The following CNKSR3 variants were observed in gnomAD, a reference collection of about 807,000 sequenced individuals.
The protein encoded by CNKSR3 is CNKSR family member 3.
CNKSR3 carries 36 observed loss-of-function variants against 67.7 expected under a neutral mutation model. That is an observed-to-expected ratio of 0.53 (90% CI 0.41 to 0.70). The LOEUF is 0.70. CNKSR3 is among the 30% of genes least tolerant of loss of function. CNKSR3 has a pLI of 0.00. For missense variants in CNKSR3, 630 were observed against 695.2 expected (o/e 0.91, Z 1.05); for synonymous variants, 281 against 271.4 (o/e 1.04, Z -0.35).
rs919452512 is a variant in CNKSR3, at chr6:154,510,221, C to A, written c.-107G>T. The A allele has an allele frequency of 5.6e-5, 74 of 1,332,050 alleles. No homozygotes were observed. The highest frequency in any genetic ancestry group is 7.5e-5 in the Non-Finnish European group (70 of 938,902). The allele number at this position is 1,332,050 out of a possible 1,614,324, so 82.5% of individuals were successfully genotyped here. A position where few individuals can be genotyped will look rare whatever the true frequency, so the allele number is the denominator to read the frequency against. ...GGGCGCGCCCGCGGCTGCTCCCCTG[C>A]GCCCGAGCGACTCCGTCAAGACTGC... On this transcript the variant is annotated 5_prime_UTR_variant, in exon 1 of 13. Coordinates refer to ENST00000607772, the MANE Select transcript of CNKSR3 (RefSeq NM_173515.4).
chr6:154,431,945 C>T (rs1202201272), intron 5 of CNKSR3, among the ~76,000 whole-genome samples: 2 of 152,076 alleles, frequency 1.3e-5, no homozygotes, highest in African/African-American at 4.8e-5. Flanking sequence ...ACTTTTTTGG[C>T]AATTTTGAGT....
chr6:154,423,007 C>T, intron 7 of CNKSR3, 24 bp from the exon 8 acceptor site: 2 of 1,511,444 alleles, frequency 1.3e-6, no homozygotes, highest in Non-Finnish European at 9.1e-7. Flanking sequence ...AAATAACCTG[C>T]CTTAATTCTT....
At chr6:154,441,267 AAAGT>A in intron 4 of CNKSR3, 21 bp downstream of exon 4, 1 of 1,336,880 alleles carries the variant, frequency 7.5e-7, no homozygotes, top group Non-Finnish European at 1.0e-6. Context: ...AAAAAAAAAG[AAAGT>A]GAAAATGACA....
chr6:154,446,836 A>C, intron 2 of CNKSR3, among the ~76,000 whole-genome samples: 1 of 133,088 alleles, frequency 7.5e-6, no homozygotes, highest in African/African-American at 2.9e-5. Context: ...ATGGTGTCTC[A>C]CTCTGTCGCC....
chr6:154,423,933 A>AAT (rs1354724229), intron 7 of CNKSR3, among the ~76,000 whole-genome samples: 1 of 152,082 alleles, frequency 6.6e-6, no homozygotes, highest in African/African-American at 2.4e-5. Context: ...CTGCAACAAC[A>AAT]ATATATATAA....
intron 1 of CNKSR3, among the ~76,000 whole-genome samples, chr6:154,462,693 T>C (rs1220219376): frequency 6.6e-6 from 1 of 152,168 alleles, no homozygotes; most frequent in African/African-American, 2.4e-5. Flanking sequence ...CCCATCTACC[T>C]AGAATGGCTC....
chr6:154,406,929 T>G (rs4537160), intron 12 of CNKSR3, among the ~76,000 whole-genome samples: 106,245 of 150,438 alleles, frequency 0.71, 38,082 homozygotes, highest in East Asian at 0.9. Context: ...CTCCAGGCTG[T>G]TGACAGAGCG....
chr6:154,422,650 C>T lies in CNKSR3; in HGVS notation c.801G>A (p.Val267=), dbSNP rs1785171193. The change falls in exon 9 of 13, where the codon GTG becomes GTA. Residue 267 remains valine, a splice_region_variant and synonymous_variant. Transcript: ENST00000607772. ...EVIQVNQQTV[V]GWQLKNLVKK... ...TCACCAGATTTTTCAGCTGCCATCC[C>T]ACCTTCAAAGAAAGCAAATGGGGAG... The T allele has an allele frequency of 6.2e-7, 1 of 1,613,186 alleles. No homozygotes were observed. The highest frequency in any genetic ancestry group is 8.5e-7 in the Non-Finnish European group (1 of 1,179,998).
rs1331938867 is a variant in CNKSR3 at position 154,390,997 on chromosome 6, C to T, written c.*15357G>A. 2.0e-5 allele frequency: 3 copies of T among 152,004 alleles called. No homozygotes were observed. Among genetic ancestry groups the T allele is most frequent in the Non-Finnish European group, 4.4e-5 (3 of 68,046 alleles). 9.4% of individuals were successfully genotyped at this position (152,004 alleles called of 1,614,324 possible). ...TATATTTTTAGTAGAGAGAGGGTTT[C>T]ACCATTCTGGCCAGGCTGGTCTCGA... On this transcript the variant is annotated 3_prime_UTR_variant, in exon 13 of 13. Transcript: ENST00000607772.
intron 7 of CNKSR3, 127 bp from the exon 8 acceptor site, chr6:154,423,110 T>C (rs1020485706): frequency 3.6e-5 from 22 of 618,146 alleles, no homozygotes; most frequent in Non-Finnish European, 4.5e-5. Context: ...AATAAAACAA[T>C]GCACTTTATT....
rs1784885845 is a variant in CNKSR3, at chr6:154,410,402, T to C, written c.1310A>G (p.Asp437Gly). 2 of 1,614,044 alleles carry C rather than the reference T, an allele frequency of 1.2e-6. No homozygotes were observed. The highest frequency in any genetic ancestry group is 1.7e-6 in the Non-Finnish European group (2 of 1,179,972). The change falls in exon 12 of 13, where the codon GAT (aspartate) becomes GGT (glycine). Residue 437 changes from aspartate (D) to glycine (G), a missense_variant. Transcript: ENST00000607772. ...GTCCACAATCCCCATCCAGTTCCCATCAGCAGGCATGGACAAAGGCCGTGG... is the reference window on the plus strand; with the variant it reads ...GTCCACAATCCCCATCCAGTTCCCACCAGCAGGCATGGACAAAGGCCGTGG... ...GKPRPLSMPA[D>G]GNWMGIVDPF...
chr6:154,491,185 T>C (rs1229728760), intron 1 of CNKSR3, among the ~76,000 whole-genome samples: 1 of 152,088 alleles, frequency 6.6e-6, no homozygotes, highest in African/African-American at 2.4e-5. Flanking sequence ...CAGGAAGCCT[T>C]CTCTTGTGGC....
At chr6:154,450,313 C>G in intron 1 of CNKSR3, 55 bp from the exon 2 acceptor site, 1 of 1,558,378 alleles carries the variant, frequency 6.4e-7, no homozygotes, top group Non-Finnish European at 8.8e-7. Context: ...TTACCCACCC[C>G]CTGCAAACTG....
intron 1 of CNKSR3, among the ~76,000 whole-genome samples, chr6:154,479,247 G>A (rs1236521161): frequency 2.6e-5 from 4 of 151,864 alleles, no homozygotes; most frequent in Non-Finnish European, 5.9e-5. Flanking sequence ...TTTCAGTGCA[G>A]ATTCCACTAC....
intron 4 of CNKSR3, among the ~76,000 whole-genome samples, chr6:154,437,564 G>A (rs1437232183): frequency 6.6e-6 from 1 of 151,810 alleles, no homozygotes. Context: ...ATAGGTGTCC[G>A]CCACCATGCC....
At chr6:154,500,802 A>G (rs369697060) in intron 1 of CNKSR3, among the ~76,000 whole-genome samples, 19 of 152,324 alleles carry the variant, frequency 1.2e-4, no homozygotes, top group African/African-American at 4.1e-4. Context: ...CATCTTATTG[A>G]TTCGCATTCT....
rs562181830 is a variant in CNKSR3 at position 154,400,858 on chromosome 6, T to C, written c.*5496A>G. The C allele has an allele frequency of 5.9e-5, 9 of 152,324 alleles. No individual in the cohort carries two copies. The highest frequency in any genetic ancestry group is 5.2e-4 in the Admixed American group (8 of 15,302). The allele number at this position is 152,324 out of a possible 1,614,324, so 9.4% of individuals were successfully genotyped here. A position where few individuals can be genotyped will look rare whatever the true frequency, so the allele number is the denominator to read the frequency against. ...AAGTTGAAACTTGGCAATTGTGAAATTTCCAAATAATTAAAAGGTAAATTT... is the reference window on the plus strand; with the variant it reads ...AAGTTGAAACTTGGCAATTGTGAAACTTCCAAATAATTAAAAGGTAAATTT... On this transcript the variant is annotated 3_prime_UTR_variant, in exon 13 of 13. Transcript: ENST00000607772.
chr6:154,409,881 C>CAAAAAAA (rs56081008), intron 12 of CNKSR3, among the ~76,000 whole-genome samples: 2 of 126,614 alleles, frequency 1.6e-5, no homozygotes, highest in Admixed American at 1.6e-4. Context: ...CTGTCTCTAC[C>CAAAAAAA]AAAAAAAAAA....
intron 4 of CNKSR3, among the ~76,000 whole-genome samples, chr6:154,436,498 ATAT>A (rs1234102363): frequency 6.6e-6 from 1 of 152,044 alleles, no homozygotes; most frequent in Non-Finnish European, 1.5e-5. Context: ...TCAAGGACAA[ATAT>A]TGCTCATTTT....
Sources: gnomAD v4.1 joint callset for allele counts (sites outside exome capture counted in the v4.1 genomes callset) on GRCh38, gnomAD v4.1.1 for gene constraint, MANE v1.5 for transcripts, NCBI Gene and HGNC (gene_info 2026-07-23, HGNC 2026-07-21) for gene names.